The following PCDHGA7 variants were observed in gnomAD, a reference collection of about 807,000 sequenced individuals.
PCDHGA7 encodes the protein protocadherin gamma-A7.
A neutral mutation model predicts 58.3 loss-of-function variants in PCDHGA7; 44 were observed. The ratio of observed to expected loss-of-function variants is 0.75; its 90% CI spans 0.59 to 0.97. The LOEUF (loss-of-function observed/expected upper bound fraction) is 0.97. Among genes scored for constraint, PCDHGA7 ranks in the 50% least tolerant of loss-of-function variants. The pLI, the probability that PCDHGA7 is intolerant of heterozygous loss-of-function variation, is 0.00. For synonymous variants in PCDHGA7, 516 were observed against 504.2 expected, an observed-to-expected ratio of 1.02 and a Z score of -0.31; for missense variants, 1,266 against 1,188.7, an observed-to-expected ratio of 1.06 and a Z score of -0.96.
intron 1 of PCDHGA7, among the ~76,000 whole-genome samples, chr5:141,448,086 TAA>T (rs558292628): frequency 6.8e-6 from 1 of 146,354 alleles, no homozygotes; most frequent in Middle Eastern, 3.2e-3. Flanking sequence ...AATGCCATCT[TAA>T]AAAAAAAAAA....
rs1482322150 is a variant in PCDHGA7, at chr5:141,485,119, C to T, written c.2425-9688C>T. On this transcript the variant is annotated intron_variant, in intron 1 of 3. Transcript: ENST00000518325. This position sits in a 1 kb window ranked among gnomAD's most constrained non-coding sequence, Gnocchi z 5.7. ...CTCCAGCTGCTGTGGCTGTTTGGGGCGGGTCGGCTTCATCCGCGTCTCAGG... is the reference window on the plus strand; with the variant it reads ...CTCCAGCTGCTGTGGCTGTTTGGGGTGGGTCGGCTTCATCCGCGTCTCAGG... 9.8e-6 allele frequency: 13 copies of T among 1,328,806 alleles called. No individual in the cohort carries two copies. The East Asian group carries it at 1.8e-4, about 19-fold the overall frequency. 82.3% of individuals were successfully genotyped at this position (1,328,806 alleles called of 1,614,324 possible). A position where few individuals can be genotyped will look rare whatever the true frequency, so the allele number is the denominator to read the frequency against.
intron 1 of PCDHGA7, chr5:141,419,126 G>A: frequency 6.2e-7 from 1 of 1,613,770 alleles, no homozygotes; most frequent in Non-Finnish European, 8.5e-7. Context: ...CGTCACCATC[G>A]CAGCCACAGA....
chr5:141,396,597 G>A (rs2150671251), intron 1 of PCDHGA7: 1 of 151,620 alleles, frequency 6.6e-6, no homozygotes, highest in Middle Eastern at 3.4e-3. Flanking sequence ...TCCAGCCTGG[G>A]CAACAGGGTG....
intron 1 of PCDHGA7, chr5:141,411,407 A>G (rs2154543610): frequency 6.6e-6 from 1 of 151,868 alleles, no homozygotes; most frequent in East Asian, 1.9e-4. Context: ...CCCCATCTCT[A>G]CTAAAACAAC....
chr5:141,395,542 TTGTGTGTGTGTGTGTGTGTGTGTGTG>T lies in PCDHGA7; in HGVS notation c.2424+10243_2424+10268del, dbSNP rs55729045. 7.0e-5 allele frequency: 12 copies of T among 172,630 alleles called. No homozygotes were observed. In the South Asian group the frequency reaches 8.7e-4, roughly 12 times the overall value. 10.7% of individuals were successfully genotyped at this position (172,630 alleles called of 1,614,324 possible). ...TCCATACTGGTAATTTTGCTATTGTTTGTGTGTGTGTGTGTGTGTGTGTGTGTGTGTGTGTGTGTGTGTGTGTGTAT... is the reference window on the plus strand; with the variant it reads ...TCCATACTGGTAATTTTGCTATTGTTTGTGTGTGTGTGTGTGTGTGTGTAT... On this transcript the variant is annotated intron_variant, in intron 1 of 3. Coordinates refer to ENST00000518325, the MANE Select transcript of PCDHGA7 (RefSeq NM_018920.4).
Position 141,486,772 on chromosome 5 carries a change from T to A in PCDHGA7, c.2425-8035T>A. ...ATGAGCAAACCCAGACACTGCAGTT[T>A]GAGGTGCAGGCCCGGGATCGGGGCA... is the stretch of plus-strand genomic sequence containing the variant. On this transcript the variant is annotated intron_variant, in intron 1 of 3. Coordinates refer to ENST00000518325, the MANE Select transcript of PCDHGA7 (RefSeq NM_018920.4). The surrounding 1 kb of genome is among the most constrained non-coding windows in gnomAD (Gnocchi z 5.0). 1 of 1,614,246 alleles carries A rather than the reference T, an allele frequency of 6.2e-7. No homozygotes were observed. Among genetic ancestry groups the A allele is most frequent in the South Asian group, 1.1e-5 (1 of 91,088 alleles).
intron 1 of PCDHGA7, among the ~76,000 whole-genome samples, chr5:141,435,462 T>G (rs1206913100): frequency 6.6e-6 from 1 of 152,230 alleles, no homozygotes; most frequent in Non-Finnish European, 1.5e-5. Flanking sequence ...TGTATGTGTT[T>G]CCAAGTTAGA....
intron 1 of PCDHGA7, chr5:141,393,596 G>T (rs775299518): frequency 1.2e-6 from 2 of 1,613,900 alleles, no homozygotes; most frequent in Non-Finnish European, 8.5e-7. Context: ...GCACGCGGCT[G>T]CTTACTGTAA....
At chr5:141,492,241 C>G (rs1351937353) in intron 1 of PCDHGA7, among the ~76,000 whole-genome samples, 2 of 152,186 alleles carry the variant, frequency 1.3e-5, no homozygotes, top group East Asian at 3.9e-4. Context: ...TGCTGGCCAC[C>G]CCCACGGCCC....
intron 1 of PCDHGA7, chr5:141,393,145 A>G (rs2092690678): frequency 6.2e-7 from 1 of 1,613,324 alleles, no homozygotes; most frequent in Non-Finnish European, 8.5e-7. Context: ...ACCCTGGTTG[A>G]GGATAAAGGA....
chr5:141,398,356 G>C (rs1242233046), intron 1 of PCDHGA7: 7 of 1,409,380 alleles, frequency 5.0e-6, no homozygotes, highest in East Asian at 2.4e-5. Context: ...TTACTTCACC[G>C]TGAGCGCAGA....
At position 141,486,367 on chromosome 5, in the gene PCDHGA7, G is replaced by A; in HGVS notation, c.2425-8440G>A. On this transcript the variant is annotated intron_variant, in intron 1 of 3. Coordinates refer to ENST00000518325, the MANE Select transcript of PCDHGA7 (RefSeq NM_018920.4). This position sits in a 1 kb window ranked among gnomAD's most constrained non-coding sequence, Gnocchi z 5.0. Reference sequence around the variant, plus strand: ...CTGACCACTTGCCATTTGCCCTCAAGTCTGCCTTCAGGAACCAGTTCTCCC... The same window carrying A: ...CTGACCACTTGCCATTTGCCCTCAAATCTGCCTTCAGGAACCAGTTCTCCC... 1 of 1,614,148 alleles carries A rather than the reference G, an allele frequency of 6.2e-7. No individual in the cohort carries two copies. Among genetic ancestry groups the A allele is most frequent in the Non-Finnish European group, 8.5e-7 (1 of 1,180,022 alleles).
At chr5:141,402,682 T>A (rs1012328239) in intron 1 of PCDHGA7, among the ~76,000 whole-genome samples, 1 of 152,138 alleles carries the variant, frequency 6.6e-6, no homozygotes, top group East Asian at 1.9e-4. Context: ...CCATCTGATA[T>A]AATGTTACAC....
At chr5:141,450,817 A>T (rs1302552522) in intron 1 of PCDHGA7, among the ~76,000 whole-genome samples, 1 of 137,468 alleles carries the variant, frequency 7.3e-6, no homozygotes, top group Non-Finnish European at 1.5e-5. Context: ...TTTATTTAAT[A>T]TTATTATTAT....
At chr5:141,416,641 C>A (rs996381588) in intron 1 of PCDHGA7, 1 of 152,056 alleles carries the variant, frequency 6.6e-6, no homozygotes, top group Non-Finnish European at 1.5e-5. Context: ...AAACACCAAC[C>A]ACAGCTGTAA....
At chr5:141,404,100 T>G in intron 1 of PCDHGA7, 1 of 1,613,618 alleles carries the variant, frequency 6.2e-7, no homozygotes, top group African/African-American at 1.3e-5. Context: ...GGTCAAGTTG[T>G]CTGTTCTATC....
chr5:141,433,595 G>C (rs2097629585), intron 1 of PCDHGA7, among the ~76,000 whole-genome samples: 1 of 152,070 alleles, frequency 6.6e-6, no homozygotes, highest in South Asian at 2.1e-4. Context: ...CAGTACTTTG[G>C]GAGGCCGAGG....
intron 1 of PCDHGA7, among the ~76,000 whole-genome samples, chr5:141,452,253 T>G (rs2098736880): frequency 6.6e-6 from 1 of 152,166 alleles, no homozygotes; most frequent in Admixed American, 6.5e-5. Context: ...TTGCCATAAC[T>G]CTCTCATTTT....
Position 141,493,891 on chromosome 5 carries a change from G to A in PCDHGA7, c.2425-916G>A, listed in dbSNP as rs1595204910. On this transcript the variant is annotated intron_variant, in intron 1 of 3. Transcript: ENST00000518325. The surrounding 1 kb of genome is among the most constrained non-coding windows in gnomAD (Gnocchi z 4.3). ...CCAGTGAGGAGGTGGCTCTAGGAGT[G>A]CTCCATGAGAGTGTGTGATGGGATA... Among the ~76,000 whole-genome samples, 1 of 152,300 alleles carries A rather than the reference G, an allele frequency of 6.6e-6. No homozygotes were observed. The highest frequency in any genetic ancestry group is 1.5e-5 in the Non-Finnish European group (1 of 68,018).
Sources: gnomAD v4.1 joint callset for allele counts (sites outside exome capture counted in the v4.1 genomes callset) on GRCh38, gnomAD v4.1.1 for gene constraint, Gnocchi (gnomAD v3.1) non-coding constraint, MANE v1.5 for transcripts, NCBI Gene and HGNC (gene_info 2026-07-23, HGNC 2026-07-21) for gene names.